SOX5: variants seen among roughly 807,000 people sequenced by gnomAD.
SOX5 encodes the protein transcription factor SOX-5.
SOX5 carries 9 observed loss-of-function variants against 92.0 expected under a neutral mutation model. The ratio of observed to expected loss-of-function variants is 0.10; its 90% CI spans 0.06 to 0.17. SOX5 has a LOEUF of 0.17. SOX5 is among the 10% of genes least tolerant of loss of function. The pLI is 1.00. For missense variants in SOX5, 642 were observed against 944.5 expected (o/e 0.68, Z 4.20); for synonymous variants, 344 against 336.3 (o/e 1.02, Z -0.25).
At chr12:24,182,491 T>G (rs1025667758) in intron 4 of SOX5, among the ~76,000 whole-genome samples, 5 of 152,146 alleles carry the variant, frequency 3.3e-5, no homozygotes, top group African/African-American at 1.2e-4. Context: ...CAGAGAATAC[T>G]TAAGCATATT....
chr12:24,368,831 C>T (rs1956423652), intron 1 of SOX5, among the ~76,000 whole-genome samples: 2 of 152,196 alleles, frequency 1.3e-5, no homozygotes, highest in African/African-American at 4.8e-5. Flanking sequence ...ATTCTAAAAA[C>T]TCCATTCTTG....
chr12:24,284,455 CGT>C (rs201582601), intron 2 of SOX5, among the ~76,000 whole-genome samples: 15 of 104,276 alleles, frequency 1.4e-4, no homozygotes, highest in African/African-American at 4.7e-4. Flanking sequence ...TGTGTGTGTG[CGT>C]GTCTTTCATT....
intron 1 of SOX5, among the ~76,000 whole-genome samples, chr12:24,372,961 A>AAG (rs1956887399): frequency 6.6e-6 from 1 of 151,638 alleles, no homozygotes; most frequent in Admixed American, 6.6e-5. Context: ...CAAAAAAAAA[A>AAG]AAAAAAAACT....
intron 4 of SOX5, among the ~76,000 whole-genome samples, chr12:24,093,800 C>T (rs1944975838): frequency 6.6e-6 from 1 of 151,678 alleles, no homozygotes; most frequent in South Asian, 2.1e-4. Flanking sequence ...CTAGATATTG[C>T]CAAATTGCTC....
chr12:23,967,563 A>C (rs1947745365), intron 4 of SOX5, among the ~76,000 whole-genome samples: 1 of 152,106 alleles, frequency 6.6e-6, no homozygotes, highest in Non-Finnish European at 1.5e-5. Context: ...CTGACTAAAA[A>C]CAATAATTTT....
At chr12:24,105,037 C>T (rs1566336) in intron 4 of SOX5, among the ~76,000 whole-genome samples, 146,661 of 152,298 alleles carry the variant, frequency 0.96, 70,863 homozygotes, top group Middle Eastern at 1. Flanking sequence ...AGTATATCAT[C>T]TACTGAAGAA....
chr12:24,100,103 C>T (rs1210748612), intron 4 of SOX5, among the ~76,000 whole-genome samples: 2 of 152,102 alleles, frequency 1.3e-5, no homozygotes, highest in South Asian at 4.1e-4. Context: ...GTTCTTTCTC[C>T]CCTTTCCTGC....
intron 9 of SOX5, among the ~76,000 whole-genome samples, chr12:23,596,035 G>C (rs1952368625): frequency 6.6e-6 from 1 of 152,088 alleles, no homozygotes; most frequent in Admixed American, 6.5e-5. Context: ...CTTGAGACTG[G>C]GTTATTGTGT....
intron 2 of SOX5, among the ~76,000 whole-genome samples, chr12:23,890,320 C>CAA (rs201083567): frequency 7.6e-5 from 7 of 92,496 alleles, no homozygotes; most frequent in Admixed American, 1.1e-4. Context: ...AACTCCATTT[C>CAA]AAAAAAAAAA....
intron 2 of SOX5, among the ~76,000 whole-genome samples, chr12:24,289,701 C>G (rs1281991950): frequency 8.3e-6 from 1 of 120,668 alleles, no homozygotes; most frequent in East Asian, 2.3e-4. Flanking sequence ...GTGATCCGCC[C>G]GCCTCGGCCT....
At chr12:24,483,014 G>A (rs1946163542) in intron 1 of SOX5, among the ~76,000 whole-genome samples, 1 of 152,070 alleles carries the variant, frequency 6.6e-6, no homozygotes, top group Admixed American at 6.6e-5. Context: ...CACTACCCCA[G>A]TGTCTTAGCT....
chr12:24,155,035 T>C (rs1266425429), intron 4 of SOX5, among the ~76,000 whole-genome samples: 13 of 152,086 alleles, frequency 8.5e-5, no homozygotes, highest in African/African-American at 3.1e-4. Context: ...ATTGGCTGAG[T>C]ACTTGAAATT....
intron 3 of SOX5, among the ~76,000 whole-genome samples, chr12:24,250,092 G>A (rs78789728): frequency 0.031 from 4,687 of 152,268 alleles, 244 homozygotes; most frequent in African/African-American, 0.11. Context: ...AAAGATGTAA[G>A]ATTCTAGAAA....
At chr12:23,905,867 C>G (rs1358068481) in intron 1 of SOX5, among the ~76,000 whole-genome samples, 1 of 152,148 alleles carries the variant, frequency 6.6e-6, no homozygotes, top group Admixed American at 6.5e-5. Context: ...TTCTGCCTAA[C>G]TTTACCTTCG....
intron 5 of SOX5, among the ~76,000 whole-genome samples, chr12:23,736,776 C>A (rs541730657): frequency 9.9e-5 from 15 of 151,322 alleles, no homozygotes; most frequent in African/African-American, 3.6e-4. Flanking sequence ...CTGCAACCAC[C>A]GCCTCCTGAG....
chr12:24,499,094 C>T (rs1412652221), intron 1 of SOX5, among the ~76,000 whole-genome samples: 1 of 152,188 alleles, frequency 6.6e-6, no homozygotes, highest in Non-Finnish European at 1.5e-5. Flanking sequence ...TCATAGTTCT[C>T]TCACTGTATT....
At chr12:23,883,010 T>C (rs1054583270) in intron 2 of SOX5, among the ~76,000 whole-genome samples, 1 of 151,744 alleles carries the variant, frequency 6.6e-6, no homozygotes, top group African/African-American at 2.4e-5. Flanking sequence ...TGAAACCCCG[T>C]CTCTACTAAA....
At chr12:24,423,216 A>AG (rs1265149346) in intron 1 of SOX5, among the ~76,000 whole-genome samples, 5 of 152,216 alleles carry the variant, frequency 3.3e-5, no homozygotes, top group African/African-American at 1.2e-4. Flanking sequence ...CTCTCCCTTA[A>AG]GAACTGTGGA....
intron 9 of SOX5, among the ~76,000 whole-genome samples, chr12:23,580,647 G>A (rs1270776121): frequency 6.6e-6 from 1 of 151,856 alleles, no homozygotes; most frequent in African/African-American, 2.4e-5. Flanking sequence ...ATCAATTACT[G>A]GGCTAATTGT....
Sources: allele counts gnomAD v4.1 joint callset (sites outside exome capture counted in the v4.1 genomes callset), GRCh38; gene constraint gnomAD v4.1.1; transcripts MANE v1.5; gene names NCBI Gene and HGNC (gene_info 2026-07-23, HGNC 2026-07-21).